Variants in TRPS1 observed in about 807,000 individuals in gnomAD.
TRPS1 encodes the protein transcriptional repressor GATA binding 1.
In TRPS1, 6 loss-of-function variants were observed where a neutral mutation model predicts 101.2. The observed-to-expected ratio is 0.06, with a 90% CI of 0.03 to 0.12. The LOEUF is 0.12. Among genes scored for constraint, TRPS1 ranks in the 10% least tolerant of loss-of-function variants. TRPS1 has a pLI of 1.00. For missense variants in TRPS1, 1,363 were observed against 1,567.0 expected (o/e 0.87, Z 2.20); for synonymous variants, 578 against 589.8 (o/e 0.98, Z 0.29).
intron 5 of TRPS1, among the ~76,000 whole-genome samples, chr8:115,501,863 G>T (rs1815327633): frequency 6.6e-6 from 1 of 151,992 alleles, no homozygotes. Context: ...GTCTTCAATT[G>T]ATTTATAACT....
chr8:115,421,123 T>G (rs1813042294), intron 5 of TRPS1, among the ~76,000 whole-genome samples: 1 of 152,086 alleles, frequency 6.6e-6, no homozygotes, highest in African/African-American at 2.4e-5. Context: ...TAGCTGGGAT[T>G]ACAGGCATGC....
chr8:115,607,730 T>C (rs1369057909), intron 3 of TRPS1, among the ~76,000 whole-genome samples: 1 of 151,938 alleles, frequency 6.6e-6, no homozygotes, highest in East Asian at 1.9e-4. Flanking sequence ...TTGGAAAACA[T>C]AATGACAGTG....
At chr8:115,611,546 C>T (rs1378885691) in intron 3 of TRPS1, among the ~76,000 whole-genome samples, 2 of 152,158 alleles carry the variant, frequency 1.3e-5, no homozygotes, top group East Asian at 3.9e-4. Flanking sequence ...TCCATGACAA[C>T]ACAGAGGAAG....
chr8:115,416,713 T>C (rs1812930202), intron 6 of TRPS1, among the ~76,000 whole-genome samples: 1 of 152,030 alleles, frequency 6.6e-6, no homozygotes, highest in African/African-American at 2.4e-5. Flanking sequence ...GGAACATTTC[T>C]GTTGTTACAA....
Position 115,414,803 on chromosome 8 carries a change from G to A in TRPS1, c.3105C>T (p.Val1035=), listed in dbSNP as rs753629655. ...KSHSAQQPVL[V]SQTLDIHKRM... ...TTTTGTGAATATCCAGAGTTTGGCTGACCAGGACTGGCTGCTGAGCAGAAT... is the reference window on the plus strand; with the variant it reads ...TTTTGTGAATATCCAGAGTTTGGCTAACCAGGACTGGCTGCTGAGCAGAAT... Residue 1035 remains valine (V), a synonymous_variant, in exon 7 of 7, where the codon GTC becomes GTT. Transcript: ENST00000395715. The surrounding 1 kb of genome is among the most constrained non-coding windows in gnomAD (Gnocchi z 4.8). 1.9e-5 allele frequency: 30 copies of A among 1,613,880 alleles called. No individual in the cohort carries two copies. In the Admixed American group the frequency reaches 4.8e-4, roughly 26 times the overall value.
intron 1 of TRPS1, among the ~76,000 whole-genome samples, chr8:115,659,975 C>G (rs910221532): frequency 2.0e-5 from 3 of 151,946 alleles, no homozygotes; most frequent in Non-Finnish European, 2.9e-5. Context: ...CTATAGCTAT[C>G]CTGCATGTAC....
At chr8:115,540,753 A>G (rs1816432631) in intron 5 of TRPS1, among the ~76,000 whole-genome samples, 1 of 151,894 alleles carries the variant, frequency 6.6e-6, no homozygotes, top group Non-Finnish European at 1.5e-5. Flanking sequence ...TTTTACATAA[A>G]CTTGTGCACA....
At chr8:115,623,466 G>C (rs375830300) in intron 2 of TRPS1, 135 bp downstream of exon 2, 2 of 939,280 alleles carry the variant, frequency 2.1e-6, no homozygotes, top group Non-Finnish European at 3.2e-6. Flanking sequence ...CTAGCGAGTC[G>C]TAAGTTAGAT....
Position 115,470,899 on chromosome 8 carries a change from T to C in TRPS1, c.2701-52447A>G, listed in dbSNP as rs191134155. 1.1e-4 allele frequency among the ~76,000 whole-genome samples: 17 copies of C among 152,360 alleles called. No homozygotes were observed. In the East Asian group the frequency reaches 1.5e-3, roughly 14 times the overall value. On this transcript the variant is annotated intron_variant, in intron 5 of 6. Transcript: ENST00000395715. ...AGCATTTCTTTAGATGGAGTTGATATTTAGTTTCTAACTTTTCAGAGTTTA... is the reference window on the plus strand; with the variant it reads ...AGCATTTCTTTAGATGGAGTTGATACTTAGTTTCTAACTTTTCAGAGTTTA...
chr8:115,508,148 T>C (rs754837639), intron 5 of TRPS1, among the ~76,000 whole-genome samples: 34 of 152,182 alleles, frequency 2.2e-4, no homozygotes, highest in Middle Eastern at 3.4e-3. Flanking sequence ...ATGTAGAAAT[T>C]AGTGCATGTT....
chr8:115,439,976 A>G (rs1246791971), intron 5 of TRPS1, among the ~76,000 whole-genome samples: 2 of 152,136 alleles, frequency 1.3e-5, no homozygotes, highest in Admixed American at 6.5e-5. Flanking sequence ...AGAAACATTG[A>G]GTTTTATTTG....
chr8:115,550,242 A>G (rs932645148), intron 5 of TRPS1, among the ~76,000 whole-genome samples: 1 of 152,142 alleles, frequency 6.6e-6, no homozygotes, highest in Non-Finnish European at 1.5e-5. Context: ...ATGGCAACCA[A>G]TGATTTGTGG....
At chr8:115,424,427 C>A (rs1268445872) in intron 5 of TRPS1, among the ~76,000 whole-genome samples, 1 of 152,162 alleles carries the variant, frequency 6.6e-6, no homozygotes, top group African/African-American at 2.4e-5. Flanking sequence ...TGCGTGTCCA[C>A]CATGTGCCTG....
intron 5 of TRPS1, among the ~76,000 whole-genome samples, chr8:115,435,070 A>T (rs1813415478): frequency 6.6e-6 from 1 of 152,196 alleles, no homozygotes. Context: ...ACAAGTGCTA[A>T]TCAGTTTCTA....
At chr8:115,563,439 T>C (rs1455782447) in intron 5 of TRPS1, among the ~76,000 whole-genome samples, 1 of 152,070 alleles carries the variant, frequency 6.6e-6, no homozygotes, top group Non-Finnish European at 1.5e-5. Flanking sequence ...GCCAGGAAAC[T>C]GAGCTCCAAA....
At chr8:115,536,389 G>A (rs889280825) in intron 5 of TRPS1, among the ~76,000 whole-genome samples, 1 of 151,956 alleles carries the variant, frequency 6.6e-6, no homozygotes, top group Non-Finnish European at 1.5e-5. Context: ...CAGGCGTGGT[G>A]GCGGGCGCCT....
At chr8:115,623,791 C>T in intron 1 of TRPS1, 33 bp from the exon 2 acceptor site, 1 of 1,424,616 alleles carries the variant, frequency 7.0e-7, no homozygotes. Flanking sequence ...AATTTTCCTT[C>T]CTAAATGATG....
chr8:115,586,498 CA>C (rs1389559455), intron 5 of TRPS1, among the ~76,000 whole-genome samples: 1 of 152,118 alleles, frequency 6.6e-6, no homozygotes, highest in Non-Finnish European at 1.5e-5. Flanking sequence ...CAAGCATTGT[CA>C]TTTATACATA....
chr8:115,566,179 T>C (rs528859436), intron 5 of TRPS1, among the ~76,000 whole-genome samples: 1 of 152,308 alleles, frequency 6.6e-6, no homozygotes, highest in South Asian at 2.1e-4. Context: ...ATTTAAGTCT[T>C]AGCAGGTGGT....
Sources: gnomAD v4.1 joint callset for allele counts (sites outside exome capture counted in the v4.1 genomes callset) on GRCh38, gnomAD v4.1.1 for gene constraint, Gnocchi (gnomAD v3.1) non-coding constraint, MANE v1.5 for transcripts, NCBI Gene and HGNC (gene_info 2026-07-23, HGNC 2026-07-21) for gene names.